Variants in CFAP92 observed in about 807,000 individuals in gnomAD.
CFAP92 encodes the protein uncharacterized protein CFAP92.
Under a neutral mutation model 106.3 loss-of-function variants are expected in CFAP92, and 86 were observed. The observed-to-expected ratio is 0.81, with a 90% CI of 0.68 to 0.97. The LOEUF (loss-of-function observed/expected upper bound fraction) is 0.97, where lower values mean the gene tolerates loss of function less well. Among genes scored for constraint, CFAP92 ranks in the 50% least tolerant of loss-of-function variants. The pLI, the probability that CFAP92 is intolerant of heterozygous loss-of-function variation, is 0.00. For synonymous variants in CFAP92, 477 were observed against 506.4 expected, an observed-to-expected ratio of 0.94 and a Z score of 0.78; for missense variants, 1,204 against 1,283.8, an observed-to-expected ratio of 0.94 and a Z score of 0.95.
At chr3:129,019,083 G>T in the CFAP92 span, among the ~76,000 whole-genome samples, 2,114 of 152,314 alleles carry the variant, frequency 0.014, 47 homozygotes, top group African/African-American at 0.047. Flanking sequence ...GCTGGGTCTT[G>T]TGGAGACACA....
chr3:128,946,829 C>T (rs1308662996), intron 9 of CFAP92, among the ~76,000 whole-genome samples: 1 of 152,072 alleles, frequency 6.6e-6, no homozygotes, highest in Non-Finnish European at 1.5e-5. Context: ...CTAGTGAAAT[C>T]AGATGCACCA....
At chr3:129,015,176 T>A in the CFAP92 span, among the ~76,000 whole-genome samples, 2 of 151,956 alleles carry the variant, frequency 1.3e-5, no homozygotes, top group African/African-American at 4.8e-5. Context: ...TTTCCCATCC[T>A]CTCCTGCAGC....
intron 4 of CFAP92, among the ~76,000 whole-genome samples, chr3:128,979,946 TAATATA>T (rs1452401205): frequency 6.0e-4 from 26 of 43,266 alleles, no homozygotes; most frequent in African/African-American, 1.6e-3. Context: ...TAAAGTATAA[TAATATA>T]TATATATATA....
intron 1 of CFAP92, chr3:129,002,160 C>G: frequency 6.8e-7 from 1 of 1,471,750 alleles, no homozygotes. Context: ...CCGCCTGCGC[C>G]GTCCGCGCCG....
chr3:128,915,515 C>T lies in CFAP92; in HGVS notation c.2965G>A (p.Val989Met). Reference protein sequence around the residue: ...TYSQDYLSAMVEPLDLKEEEK... With the variant: ...TYSQDYLSAMMEPLDLKEEEK... ...TCTTCCTTCAAGTCCAGGGGCTCCA[C>T]CATGGCTGAGAGGTAATCCTGTGAG... is the stretch of plus-strand genomic sequence containing the variant. Residue 989 changes from valine to methionine, a missense_variant, in exon 14 of 16, where the codon GTG becomes ATG. By Grantham distance (21) the Val-to-Met change is conservative. Transcript: ENST00000645291. 1 of 1,535,492 alleles carries T rather than the reference C, an allele frequency of 6.5e-7. No individual in the cohort carries two copies. Among genetic ancestry groups the T allele is most frequent in the Non-Finnish European group, 8.7e-7 (1 of 1,146,670 alleles).
chr3:129,003,773 C>G (rs768971609), upstream of CFAP92: 1 of 1,405,300 alleles, frequency 7.1e-7, no homozygotes, highest in South Asian at 1.4e-5. Context: ...ACCCCCTGCC[C>G]CTGCTGCCCT....
At chr3:128,952,640 G>T (rs1336934008) in intron 9 of CFAP92, among the ~76,000 whole-genome samples, 1 of 152,154 alleles carries the variant, frequency 6.6e-6, no homozygotes, top group Non-Finnish European at 1.5e-5. Flanking sequence ...AATAAACAAG[G>T]TGTGGTGGTG....
At chr3:128,980,366 CAAAA>C (rs71153158) in intron 4 of CFAP92, among the ~76,000 whole-genome samples, 80 of 100,652 alleles carry the variant, frequency 7.9e-4, no homozygotes, top group African/African-American at 2.1e-3. Flanking sequence ...GACCCTGTCT[CAAAA>C]AAAAAAAAAA....
the CFAP92 span, among the ~76,000 whole-genome samples, chr3:129,021,110 C>T: frequency 8.5e-5 from 13 of 152,122 alleles, no homozygotes; most frequent in African/African-American, 3.1e-4. Flanking sequence ...GGGGCCCTGC[C>T]AGGGAAACAA....
Position 128,910,035 on chromosome 3 carries a change from G to A in CFAP92, c.*264C>T, listed in dbSNP as rs2107664287. On this transcript the variant is annotated 3_prime_UTR_variant, in exon 16 of 16. Transcript: ENST00000645291. ...TGTGATCCCAGACCATCATGGAGGA[G>A]CAGCTGGTACTGAAGCGGGTGGCCA... The A allele has an allele frequency of 6.2e-7, 1 of 1,613,776 alleles. No individual in the cohort carries two copies. Among genetic ancestry groups the A allele is most frequent in the Non-Finnish European group, 8.5e-7 (1 of 1,179,966 alleles).
At chr3:129,000,579 A>G (rs1336383617) in intron 1 of CFAP92, among the ~76,000 whole-genome samples, 2 of 152,214 alleles carry the variant, frequency 1.3e-5, no homozygotes, top group African/African-American at 2.4e-5. Context: ...CAATATCACA[A>G]TATCACTGCA....
upstream of CFAP92, among the ~76,000 whole-genome samples, chr3:128,996,589 A>G (rs1414554229): frequency 1.3e-5 from 2 of 152,216 alleles, no homozygotes; most frequent in East Asian, 1.9e-4. Flanking sequence ...GCAGATCAGA[A>G]GCAAAGGAAG....
chr3:129,008,072 C>G, the CFAP92 span, among the ~76,000 whole-genome samples: 1 of 152,234 alleles, frequency 6.6e-6, no homozygotes, highest in South Asian at 2.1e-4. Context: ...GTAGAGTTCC[C>G]TTCAGAGCAG....
intron 2 of CFAP92, among the ~76,000 whole-genome samples, chr3:128,990,280 T>C (rs115129877): frequency 0.039 from 6,008 of 152,332 alleles, 300 homozygotes; most frequent in African/African-American, 0.11. Flanking sequence ...GAGGATGATC[T>C]GAGGTCAGGA....
rs1265431205 is a variant in CFAP92 at position 128,984,014 on chromosome 3, A to ATT, written c.667+3601_667+3602insAA. On this transcript the variant is annotated intron_variant, in intron 4 of 15. Transcript: ENST00000645291. ...GAGAAAGCCAGAGGGCAGGAGGGAAAAGACAGCTGGGCAGAGAGCTCTCAA... is the reference window on the plus strand; with the variant it reads ...GAGAAAGCCAGAGGGCAGGAGGGAAATTAGACAGCTGGGCAGAGAGCTCTCAA... Among the ~76,000 whole-genome samples, 99 of 152,280 alleles carry ATT rather than the reference A, an allele frequency of 6.5e-4. 1 individual carries two copies. Among genetic ancestry groups the ATT allele is most frequent in the African/African-American group, 2.3e-3 (95 of 41,554 alleles).
At chr3:129,024,690 C>T in the CFAP92 span, among the ~76,000 whole-genome samples, 7 of 152,078 alleles carry the variant, frequency 4.6e-5, no homozygotes, top group African/African-American at 7.2e-5. Flanking sequence ...GGGAGACAAA[C>T]GCATTCCTGT....
intron 6 of CFAP92, 93 bp from the exon 7 acceptor site, chr3:128,975,996 G>T: frequency 7.5e-7 from 1 of 1,336,806 alleles, no homozygotes; most frequent in Non-Finnish European, 1.0e-6. Context: ...AATGAGAGCA[G>T]ATTTTTTAAA....
At chr3:128,955,542 G>C in intron 9 of CFAP92, among the ~76,000 whole-genome samples, 1 of 12,938 alleles carries the variant, frequency 7.7e-5, no homozygotes. Context: ...CCCCATCCGG[G>C]AGGGAGGTGG....
intron 11 of CFAP92, among the ~76,000 whole-genome samples, chr3:128,934,253 C>T (rs1305631191): frequency 6.6e-6 from 1 of 152,248 alleles, no homozygotes; most frequent in African/African-American, 2.4e-5. Context: ...TGGTGAGACC[C>T]TGGTTGCCCA....
Sources: gnomAD v4.1 joint callset for allele counts (sites outside exome capture counted in the v4.1 genomes callset) on GRCh38, gnomAD v4.1.1 for gene constraint, MANE v1.5 for transcripts, NCBI Gene and HGNC (gene_info 2026-07-23, HGNC 2026-07-21) for gene names.